Variants in CHST9 observed in about 807,000 individuals in gnomAD.
The protein encoded by CHST9 is carbohydrate sulfotransferase 9, also known as GalNAc-4-sulfotransferase 2.
CHST9 carries 41 observed loss-of-function variants against 44.4 expected under a neutral mutation model. That is an observed-to-expected ratio of 0.92 (90% CI 0.72 to 1.20). The LOEUF (loss-of-function observed/expected upper bound fraction) is 1.20. Ranked by LOEUF, CHST9 falls within the 50% of genes most tolerant of loss-of-function variation. The probability of loss-of-function intolerance (pLI) is 0.00; values close to 1 mark genes in which losing one functional copy is unlikely to be tolerated. For synonymous variants in CHST9, 171 were observed against 178.4 expected (o/e 0.96, Z 0.33); for missense variants, 504 against 516.5 (o/e 0.98, Z 0.23).
chr18:27,026,241 C>A (rs896487282), intron 3 of CHST9, among the ~76,000 whole-genome samples: 2 of 152,100 alleles, frequency 1.3e-5, no homozygotes, highest in African/African-American at 4.8e-5. Flanking sequence ...CTTCCCTGGT[C>A]TAGTTTGTCC....
At chr18:26,918,786 T>A (rs894731872) in intron 5 of CHST9, among the ~76,000 whole-genome samples, 1 of 152,114 alleles carries the variant, frequency 6.6e-6, no homozygotes, top group African/African-American at 2.4e-5. Context: ...ACTGCTTTTT[T>A]TTCTAGTGCA....
At chr18:27,151,942 C>T (rs1389775008) in intron 1 of CHST9, among the ~76,000 whole-genome samples, 1 of 152,146 alleles carries the variant, frequency 6.6e-6, no homozygotes, top group African/African-American at 2.4e-5. Flanking sequence ...AGTACAATGC[C>T]ATTTGCAAAG....
intron 2 of CHST9, among the ~76,000 whole-genome samples, chr18:27,093,087 C>G (rs966124606): frequency 1.4e-4 from 21 of 152,154 alleles, no homozygotes; most frequent in African/African-American, 5.1e-4. Flanking sequence ...AGAACAGCTG[C>G]CTGATCCTTC....
At chr18:27,032,085 T>G (rs2057347112) in intron 3 of CHST9, among the ~76,000 whole-genome samples, 1 of 142,236 alleles carries the variant, frequency 7.0e-6, no homozygotes, top group South Asian at 2.3e-4. Context: ...GGCCATAGAG[T>G]TTGTGCTTCT....
chr18:27,032,043 T>G (rs1049777288), intron 3 of CHST9, among the ~76,000 whole-genome samples: 4 of 152,088 alleles, frequency 2.6e-5, no homozygotes, highest in Admixed American at 1.3e-4. Context: ...GTCACAGATT[T>G]GCCAAGTGCT....
chr18:26,953,510 T>C (rs1214191839), intron 4 of CHST9, among the ~76,000 whole-genome samples: 2 of 152,082 alleles, frequency 1.3e-5, no homozygotes, highest in African/African-American at 4.8e-5. Context: ...CTAGGAGGCA[T>C]TGGTGGGTTG....
chr18:27,040,628 A>G (rs892499032), intron 3 of CHST9, among the ~76,000 whole-genome samples: 4 of 152,148 alleles, frequency 2.6e-5, no homozygotes, highest in Non-Finnish European at 1.5e-5. Flanking sequence ...CTGTTGTCCT[A>G]CGAATGCTCT....
chr18:26,955,727 G>T (rs1016199915), intron 4 of CHST9, among the ~76,000 whole-genome samples: 1 of 152,120 alleles, frequency 6.6e-6, no homozygotes, highest in Non-Finnish European at 1.5e-5. Flanking sequence ...ATTACTGGTG[G>T]TAAGGAACAT....
intron 5 of CHST9, among the ~76,000 whole-genome samples, chr18:26,943,764 C>A (rs1334673930): frequency 6.6e-6 from 1 of 152,070 alleles, no homozygotes; most frequent in Non-Finnish European, 1.5e-5. Flanking sequence ...TAGAAGGACA[C>A]CATCTACCTA....
rs1158411430 is a variant in CHST9, at chr18:26,916,177, T to C, written c.*82A>G. On this transcript the variant is annotated 3_prime_UTR_variant, in exon 6 of 6. Transcript: ENST00000618847. ...ACTGCACTTGGTTAAATTTCTGTCA[T>C]ACAGAGAATTATAGAAAAATTACAG... 1.8e-6 allele frequency: 2 copies of C among 1,131,420 alleles called. No homozygotes were observed. The highest frequency in any genetic ancestry group is 3.1e-5 in the African/African-American group (2 of 64,094). The allele number at this position is 1,131,420 out of a possible 1,614,324, so 70.1% of individuals were successfully genotyped here. A position where few individuals can be genotyped will look rare whatever the true frequency, so the allele number is the denominator to read the frequency against.
At chr18:26,998,866 T>C (rs965901304) in intron 4 of CHST9, among the ~76,000 whole-genome samples, 2 of 152,166 alleles carry the variant, frequency 1.3e-5, no homozygotes, top group South Asian at 2.1e-4. Context: ...CTGGCTATCA[T>C]GTGGCAGCAT....
chr18:27,074,579 T>C (rs1568161702), intron 2 of CHST9, among the ~76,000 whole-genome samples: 2 of 152,148 alleles, frequency 1.3e-5, no homozygotes, highest in African/African-American at 4.8e-5. Flanking sequence ...CCCATCCTCC[T>C]GACTACCTGT....
At chr18:27,099,248 G>T (rs1389977291) in intron 2 of CHST9, among the ~76,000 whole-genome samples, 1 of 151,954 alleles carries the variant, frequency 6.6e-6, no homozygotes, top group Non-Finnish European at 1.5e-5. Context: ...GAAGAAAACT[G>T]AGGAAACATC....
At chr18:26,924,268 G>A (rs1314696077) in intron 5 of CHST9, among the ~76,000 whole-genome samples, 1 of 152,148 alleles carries the variant, frequency 6.6e-6, no homozygotes, top group East Asian at 1.9e-4. Flanking sequence ...CAGATTCGAA[G>A]CATAAGGGTG....
intron 5 of CHST9, among the ~76,000 whole-genome samples, chr18:26,936,966 C>A (rs2056004253): frequency 6.6e-6 from 1 of 152,172 alleles, no homozygotes; most frequent in East Asian, 1.9e-4. Context: ...CACAATGACA[C>A]TGTTATTACT....
At chr18:27,014,903 T>C (rs542092761) in intron 4 of CHST9, among the ~76,000 whole-genome samples, 1 of 152,288 alleles carries the variant, frequency 6.6e-6, no homozygotes, top group East Asian at 1.9e-4. Context: ...TCTCTCTCTT[T>C]TCTATTGTCT....
intron 4 of CHST9, among the ~76,000 whole-genome samples, chr18:26,973,083 A>T (rs1463852177): frequency 6.6e-6 from 1 of 151,932 alleles, no homozygotes; most frequent in Non-Finnish European, 1.5e-5. Flanking sequence ...CTTAGCTCAA[A>T]TGTCTCCCGT....
At chr18:27,103,859 T>C (rs8094101) in intron 2 of CHST9, among the ~76,000 whole-genome samples, 52,844 of 151,932 alleles carry the variant, frequency 0.35, 9,588 homozygotes, top group East Asian at 0.51. Flanking sequence ...ATAAATACTA[T>C]AGTAAAGAGT....
At chr18:27,093,943 C>T (rs1197133031) in intron 2 of CHST9, among the ~76,000 whole-genome samples, 3 of 151,294 alleles carry the variant, frequency 2.0e-5, no homozygotes, top group Admixed American at 1.3e-4. Context: ...GCTACTCAAA[C>T]ATAAAAAGGT....
Sources: gnomAD v4.1 joint callset for allele counts (sites outside exome capture counted in the v4.1 genomes callset) on GRCh38, gnomAD v4.1.1 for gene constraint, MANE v1.5 for transcripts, NCBI Gene and HGNC (gene_info 2026-07-23, HGNC 2026-07-21) for gene names.